Variants in MAFF observed in about 807,000 individuals in gnomAD.
The protein encoded by MAFF is MAF bZIP transcription factor F.
A neutral mutation model predicts 2.7 loss-of-function variants in MAFF; 4 were observed. That is an observed-to-expected ratio of 1.48 (90% CI 0.73 to 3.39). The LOEUF (loss-of-function observed/expected upper bound fraction) is 3.39. MAFF is among the 30% of genes most tolerant of loss of function. The probability of loss-of-function intolerance (pLI) is 0.01; values close to 1 mark genes in which losing one functional copy is unlikely to be tolerated. For missense variants in MAFF, 190 were observed against 246.6 expected (o/e 0.77, Z 1.54); for synonymous variants, 113 against 119.4 (o/e 0.95, Z 0.35).
At position 38,214,341 on chromosome 22, in the gene MAFF, C is replaced by A; in HGVS notation, c.37-79C>A. 2.2e-6 allele frequency: 3 copies of A among 1,339,004 alleles called. No homozygotes were observed. The highest frequency in any genetic ancestry group is 3.0e-6 in the Non-Finnish European group (3 of 999,022). 82.9% of individuals were successfully genotyped at this position (1,339,004 alleles called of 1,614,324 possible). A position where few individuals can be genotyped will look rare whatever the true frequency, so the allele number is the denominator to read the frequency against. ...CCACCCACCACCTCGGCGGCTAAGGCGGTGAAAGAGGAACACCGCGGGTGG... is the reference window on the plus strand; with the variant it reads ...CCACCCACCACCTCGGCGGCTAAGGAGGTGAAAGAGGAACACCGCGGGTGG... On this transcript the variant is annotated intron_variant, in intron 2 of 2. Coordinates refer to ENST00000338483, the MANE Select transcript of MAFF (RefSeq NM_012323.4). The surrounding 1 kb of genome is among the most constrained non-coding windows in gnomAD (Gnocchi z 6.3).
At chr22:38,206,020 A>G (rs2146011611) in intron 1 of MAFF, among the ~76,000 whole-genome samples, 1 of 152,274 alleles carries the variant, frequency 6.6e-6, no homozygotes, top group Admixed American at 6.5e-5. Flanking sequence ...AGGCTCGGAC[A>G]GGAGGGCATG....
At chr22:38,208,796 C>A (rs5756972) in intron 1 of MAFF, among the ~76,000 whole-genome samples, 133,257 of 152,200 alleles carry the variant, frequency 0.88, 58,468 homozygotes, top group African/African-American at 0.92. Context: ...CACCCAGGGC[C>A]GAAGGATGAG....
In MAFF at chr22:38,208,887, C is replaced by T. The variant is rs76238079; in HGVS notation, c.-31-4936C>T. Among the ~76,000 whole-genome samples the T allele has an allele frequency of 2.0e-3, 300 of 151,610 alleles. 1 individual carries two copies. Among genetic ancestry groups the T allele is most frequent in the African/African-American group, 6.9e-3 (283 of 41,264 alleles). On this transcript the variant is annotated intron_variant, in intron 1 of 2. Coordinates refer to ENST00000338483, the MANE Select transcript of MAFF (RefSeq NM_012323.4). ...GGGAGGTGGCTCAGAGGCAAGAAAG[C>T]GCGGGTGGGAGGAAGTGAAAGAAAT... is the stretch of plus-strand genomic sequence containing the variant.
intron 1 of MAFF, among the ~76,000 whole-genome samples, chr22:38,212,578 A>G (rs1270018343): frequency 6.6e-6 from 1 of 152,212 alleles, no homozygotes; most frequent in Non-Finnish European, 1.5e-5. Flanking sequence ...TAGTTGTTGA[A>G]GGAGCATGTG....
At chr22:38,210,925 T>C (rs2091094931) in intron 1 of MAFF, among the ~76,000 whole-genome samples, 1 of 151,978 alleles carries the variant, frequency 6.6e-6, no homozygotes, top group Non-Finnish European at 1.5e-5. Context: ...CCAGGTGTGG[T>C]GGCATGCACC....
chr22:38,214,375 G>T lies in MAFF; in HGVS notation c.37-45G>T, dbSNP rs767130167. On this transcript the variant is annotated intron_variant, in intron 2 of 2. Transcript: ENST00000338483. The surrounding 1 kb of genome is among the most constrained non-coding windows in gnomAD (Gnocchi z 6.3). Reference sequence around the variant, plus strand: ...AGGAACACCGCGGGTGGAGCGGGGGGGCCCGTCCCCAGTCCCCTGGACCTC... The same window carrying T: ...AGGAACACCGCGGGTGGAGCGGGGGTGCCCGTCCCCAGTCCCCTGGACCTC... The T allele has an allele frequency of 4.0e-6, 6 of 1,510,750 alleles. No individual in the cohort carries two copies. Among genetic ancestry groups the T allele is most frequent in the Non-Finnish European group, 5.3e-6 (6 of 1,126,748 alleles). The allele number at this position is 1,510,750 out of a possible 1,614,324, so 93.6% of individuals were successfully genotyped here.
At chr22:38,206,048 C>T (rs1438418111) in intron 1 of MAFF, among the ~76,000 whole-genome samples, 1 of 152,110 alleles carries the variant, frequency 6.6e-6, no homozygotes, top group Non-Finnish European at 1.5e-5. Flanking sequence ...GGGGGAAGAG[C>T]AGGTTCAAAA....
rs953360532 is a variant in MAFF at position 38,212,211 on chromosome 22, G to A, written c.-31-1612G>A. Among the ~76,000 whole-genome samples the A allele has an allele frequency of 8.5e-5, 13 of 152,318 alleles. No homozygotes were observed. In the Middle Eastern group the frequency reaches 0.01, roughly 120 times the overall value. ...AGACAGGGTTTTGCCATGTTGGCCA[G>A]GCTGGTCTTGAACTCCTGAACTGAG... is the stretch of plus-strand genomic sequence containing the variant. On this transcript the variant is annotated intron_variant, in intron 1 of 2. Transcript: ENST00000338483.
intron 1 of MAFF, among the ~76,000 whole-genome samples, chr22:38,206,941 A>G (rs1313083342): frequency 6.6e-6 from 1 of 152,062 alleles, no homozygotes; most frequent in Non-Finnish European, 1.5e-5. Flanking sequence ...TGCAAATCGT[A>G]TCCCTAGCGG....
intron 1 of MAFF, among the ~76,000 whole-genome samples, chr22:38,208,992 T>G (rs2091075254): frequency 6.9e-6 from 1 of 144,900 alleles, no homozygotes; most frequent in Admixed American, 6.8e-5. Context: ...CCTGGGGTGC[T>G]GGGAGGGTGG....
intron 1 of MAFF, among the ~76,000 whole-genome samples, chr22:38,206,195 G>A (rs937736600): frequency 1.3e-5 from 2 of 152,184 alleles, no homozygotes; most frequent in Admixed American, 1.3e-4. Flanking sequence ...CCAAGCTCAG[G>A]AGAAAACAGT....
intron 1 of MAFF, among the ~76,000 whole-genome samples, chr22:38,208,279 C>A (rs528764883): frequency 6.0e-4 from 91 of 152,300 alleles, no homozygotes; most frequent in Non-Finnish European, 1.1e-3. Flanking sequence ...AAAGTGGAGA[C>A]CCAGAGAGAT....
Position 38,214,316 on chromosome 22 carries a change from C to A in MAFF, c.37-104C>A. On this transcript the variant is annotated intron_variant, in intron 2 of 2. Transcript: ENST00000338483. The surrounding 1 kb of genome is among the most constrained non-coding windows in gnomAD (Gnocchi z 6.3). ...TCCCCTTCGGGGTTTTGGATCAAGT[C>A]CACCCACCACCTCGGCGGCTAAGGC... 8.8e-7 allele frequency: 1 copy of A among 1,133,634 alleles called. No individual in the cohort carries two copies. Among genetic ancestry groups the A allele is most frequent in the Non-Finnish European group, 1.2e-6 (1 of 822,612 alleles). 70.2% of individuals were successfully genotyped at this position (1,133,634 alleles called of 1,614,324 possible).
Position 38,214,998 on chromosome 22 carries a change from A to C in MAFF, c.*120A>C, listed in dbSNP as rs559332974. ...CTGCAGCACTGGCCCCTTGGTGCAC[A>C]CACATTCCCTTCGTGGGCCCTGTCT... On this transcript the variant is annotated 3_prime_UTR_variant, in exon 3 of 3. Transcript: ENST00000338483. The surrounding 1 kb of genome is among the most constrained non-coding windows in gnomAD (Gnocchi z 6.3). 1 of 761,118 alleles carries C rather than the reference A, an allele frequency of 1.3e-6. No homozygotes were observed. The highest frequency in any genetic ancestry group is 1.8e-5 in the African/African-American group (1 of 54,508). 47.1% of individuals were successfully genotyped at this position (761,118 alleles called of 1,614,324 possible).
At chr22:38,212,907 T>C (rs2091111742) in intron 1 of MAFF, among the ~76,000 whole-genome samples, 1 of 152,108 alleles carries the variant, frequency 6.6e-6, no homozygotes, top group African/African-American at 2.4e-5. Flanking sequence ...GGCTCACACC[T>C]GTCCAGCACT....
rs2091150220 is a variant in MAFF, at chr22:38,216,356, CAT to C, written c.*1480_*1481del. On this transcript the variant is annotated 3_prime_UTR_variant, in exon 3 of 3. Transcript: ENST00000338483. ...CACCACTGCACTCCAGCCTGGGCAA[CAT>C]AGCAAAATCCTGTCTCAAAAAAAAA... 2 of 165,224 alleles carry C rather than the reference CAT, an allele frequency of 1.2e-5. No homozygotes were observed. Among genetic ancestry groups the C allele is most frequent in the East Asian group, 1.9e-4 (1 of 5,186 alleles). The allele number at this position is 165,224 out of a possible 1,614,324, so 10.2% of individuals were successfully genotyped here. A position where few individuals can be genotyped will look rare whatever the true frequency, so the allele number is the denominator to read the frequency against.
At chr22:38,213,207 A>G (rs1568999889) in intron 1 of MAFF, among the ~76,000 whole-genome samples, 1 of 148,856 alleles carries the variant, frequency 6.7e-6, no homozygotes, top group Non-Finnish European at 1.5e-5. Flanking sequence ...AAAAAGAAAG[A>G]AAGAAAAAGA....
At chr22:38,209,189 CTGATAGCTGGGACTACAGG>C (rs1048006884) in intron 1 of MAFF, among the ~76,000 whole-genome samples, 4 of 152,074 alleles carry the variant, frequency 2.6e-5, no homozygotes, top group Non-Finnish European at 5.9e-5. Flanking sequence ...CCTCAGCCTC[CTGATAGCTGGGACTACAGG>C]TGCCTGCCAC....
Position 38,214,329 on chromosome 22 carries a change from C to T in MAFF, c.37-91C>T. On this transcript the variant is annotated intron_variant, in intron 2 of 2. Transcript: ENST00000338483. This position sits in a 1 kb window ranked among gnomAD's most constrained non-coding sequence, Gnocchi z 6.3. ...TTTGGATCAAGTCCACCCACCACCT[C>T]GGCGGCTAAGGCGGTGAAAGAGGAA... The T allele has an allele frequency of 8.0e-7, 1 of 1,247,776 alleles. No homozygotes were observed. The highest frequency in any genetic ancestry group is 1.1e-6 in the Non-Finnish European group (1 of 923,154). 77.3% of individuals were successfully genotyped at this position (1,247,776 alleles called of 1,614,324 possible).
Sources: gnomAD v4.1 joint callset for allele counts (sites outside exome capture counted in the v4.1 genomes callset) on GRCh38, gnomAD v4.1.1 for gene constraint, Gnocchi (gnomAD v3.1) non-coding constraint, MANE v1.5 for transcripts, NCBI Gene and HGNC (gene_info 2026-07-23, HGNC 2026-07-21) for gene names.